GNAI3: variants seen among roughly 807,000 people sequenced by gnomAD.
GNAI3 encodes the protein guanine nucleotide-binding protein G(i) subunit alpha-3.
GNAI3 carries 12 observed loss-of-function variants against 41.8 expected under a neutral mutation model. The observed-to-expected ratio is 0.29, with a 90% CI of 0.18 to 0.47. GNAI3 has a LOEUF of 0.47. Among genes scored for constraint, GNAI3 ranks in the 20% least tolerant of loss-of-function variants. GNAI3 has a pLI of 1.00. For synonymous variants in GNAI3, 132 were observed against 146.5 expected, an observed-to-expected ratio of 0.90 and a Z score of 0.71; for missense variants, 360 against 429.6, an observed-to-expected ratio of 0.84 and a Z score of 1.43.
At chr1:109,576,685 A>G (rs1293285279) in intron 3 of GNAI3, among the ~76,000 whole-genome samples, 4 of 151,304 alleles carry the variant, frequency 2.6e-5, no homozygotes, top group Non-Finnish European at 5.9e-5. Context: ...TGCCCGCCTA[A>G]TTTTTTTGTA....
chr1:109,599,837 G>A lies in GNAI3; in HGVS notation c.*7515G>A, dbSNP rs1053308444. On this transcript the variant is annotated 3_prime_UTR_variant, in exon 9 of 9. Transcript: ENST00000369851. ...AAGAATTTGGTTGGGAATGGGAGGA[G>A]CTTAGAAGAACAAGAAATTGGCTTT... 3 of 152,180 alleles carry A rather than the reference G, an allele frequency of 2.0e-5. No homozygotes were observed. The highest frequency in any genetic ancestry group is 7.2e-5 in the African/African-American group (3 of 41,442). The allele number at this position is 152,180 out of a possible 1,614,324, so 9.4% of individuals were successfully genotyped here. A position where few individuals can be genotyped will look rare whatever the true frequency, so the allele number is the denominator to read the frequency against.
chr1:109,551,710 A>G (rs1351925237), intron 1 of GNAI3, among the ~76,000 whole-genome samples: 34 of 152,342 alleles, frequency 2.2e-4, no homozygotes, highest in Non-Finnish European at 1.5e-5. Context: ...AGCTCCATGA[A>G]GATTAGCTAT....
intron 1 of GNAI3, among the ~76,000 whole-genome samples, chr1:109,572,986 T>C (rs1343723449): frequency 1.3e-5 from 2 of 152,178 alleles, no homozygotes; most frequent in African/African-American, 4.8e-5. Context: ...TTTTTCTGAT[T>C]GCTTTAATTT....
At position 109,599,704 on chromosome 1, in the gene GNAI3, G is replaced by A. The variant is rs1273718835; in HGVS notation, c.*7382G>A. On this transcript the variant is annotated 3_prime_UTR_variant, in exon 9 of 9. Coordinates refer to ENST00000369851, the MANE Select transcript of GNAI3 (RefSeq NM_006496.4). ...AACAAGCAAACTTAGTTATATTTTT[G>A]TGATTTTATGCTGTTTTCATATTCT... is the stretch of plus-strand genomic sequence containing the variant. 6.6e-6 allele frequency: 1 copy of A among 152,146 alleles called. No individual in the cohort carries two copies. The highest frequency in any genetic ancestry group is 1.5e-5 in the Non-Finnish European group (1 of 68,008). 9.4% of individuals were successfully genotyped at this position (152,146 alleles called of 1,614,324 possible).
intron 4 of GNAI3, 53 bp downstream of exon 4, chr1:109,579,414 C>A: frequency 1.5e-6 from 2 of 1,353,392 alleles, no homozygotes; most frequent in South Asian, 2.5e-5. Context: ...GGTGACACTA[C>A]AGAAATTTTA....
chr1:109,598,263 A>G lies in GNAI3; in HGVS notation c.*5941A>G, dbSNP rs952085786. On this transcript the variant is annotated 3_prime_UTR_variant, in exon 9 of 9. Transcript: ENST00000369851. ...TCACCTGTTCTGTTTATTCTTGCTC[A>G]TGTAGGATAAAGGTCCTGAGACCTC... 1 of 152,216 alleles carries G rather than the reference A, an allele frequency of 6.6e-6. No homozygotes were observed. Among genetic ancestry groups the G allele is most frequent in the African/African-American group, 2.4e-5 (1 of 41,446 alleles). 9.4% of individuals were successfully genotyped at this position (152,216 alleles called of 1,614,324 possible).
chr1:109,579,188 T>A lies in GNAI3; in HGVS notation c.304-16T>A, dbSNP rs776441198. 3 of 1,601,582 alleles carry A rather than the reference T, an allele frequency of 1.9e-6. No individual in the cohort carries two copies. Among genetic ancestry groups the A allele is most frequent in the Non-Finnish European group, 1.7e-6 (2 of 1,172,548 alleles). ...AATGGAGAGTCATCTGTCTCTTTCT[T>A]AACTGCTTTCTTCAGGATGATGCCC... On this transcript the variant is annotated splice_polypyrimidine_tract_variant and intron_variant, in intron 3 of 8. Coordinates refer to ENST00000369851, the MANE Select transcript of GNAI3 (RefSeq NM_006496.4).
intron 4 of GNAI3, among the ~76,000 whole-genome samples, chr1:109,580,647 C>G (rs562385239): frequency 6.6e-6 from 1 of 152,288 alleles, no homozygotes; most frequent in East Asian, 1.9e-4. Context: ...TGAACCTGTA[C>G]AGCATGTTAT....
chr1:109,578,715 G>A (rs1027124383), intron 3 of GNAI3, among the ~76,000 whole-genome samples: 9 of 152,264 alleles, frequency 5.9e-5, no homozygotes, highest in South Asian at 2.1e-4. Flanking sequence ...TGTCTGGGCT[G>A]AAGGCAAAGA....
At chr1:109,588,619 G>A (rs1649092686) in intron 7 of GNAI3, among the ~76,000 whole-genome samples, 1 of 152,086 alleles carries the variant, frequency 6.6e-6, no homozygotes, top group South Asian at 2.1e-4. Context: ...GTGAGGCTGG[G>A]TGCAGTGGCT....
chr1:109,569,376 A>T lies in GNAI3; in HGVS notation c.119-4361A>T, dbSNP rs531814002. Among the ~76,000 whole-genome samples the T allele has an allele frequency of 3.3e-4, 51 of 152,314 alleles. No individual in the cohort carries two copies. In the South Asian group the frequency reaches 9.9e-3, roughly 30 times the overall value. ...ATTTCAACTATTACTTCCCTGGTGT[A>T]TTGAAGATGGGCAACTGAATCTCTC... On this transcript the variant is annotated intron_variant, in intron 1 of 8. Coordinates refer to ENST00000369851, the MANE Select transcript of GNAI3 (RefSeq NM_006496.4).
At chr1:109,548,905 G>GACCCCGTTCA in intron 1 of GNAI3, 67 bp downstream of exon 1, 1 of 1,041,738 alleles carries the variant, frequency 9.6e-7, no homozygotes. Context: ...GGCCTGAACG[G>GACCCCGTTCA]GGTCTGGTCG....
At chr1:109,556,528 T>C (rs933260026) in intron 1 of GNAI3, among the ~76,000 whole-genome samples, 2 of 152,234 alleles carry the variant, frequency 1.3e-5, no homozygotes, top group African/African-American at 2.4e-5. Flanking sequence ...TTGAAAAATC[T>C]GTTTTCTCTA....
chr1:109,548,948 G>T, intron 1 of GNAI3, 110 bp downstream of exon 1: 1 of 678,550 alleles, frequency 1.5e-6, no homozygotes, highest in Non-Finnish European at 2.6e-6. Context: ...GGGATCTGGA[G>T]GGCGTGCCGG....
intron 5 of GNAI3, among the ~76,000 whole-genome samples, chr1:109,582,916 C>G (rs1648931412): frequency 6.6e-6 from 1 of 152,068 alleles, no homozygotes; most frequent in Admixed American, 6.5e-5. Context: ...AATAGGATAA[C>G]AATATTAAAC....
At chr1:109,585,624 G>A (rs1324282544) in intron 5 of GNAI3, among the ~76,000 whole-genome samples, 3 of 152,080 alleles carry the variant, frequency 2.0e-5, no homozygotes, top group Admixed American at 2.0e-4. Context: ...CATTTTGAGA[G>A]TCAGAACATG....
intron 5 of GNAI3, among the ~76,000 whole-genome samples, chr1:109,584,391 G>T (rs557078236): frequency 6.6e-6 from 1 of 152,192 alleles, no homozygotes; most frequent in Non-Finnish European, 1.5e-5. Flanking sequence ...TTTGTATAAG[G>T]TTTGTAATCT....
chr1:109,566,817 C>A (rs1196305804), intron 1 of GNAI3, among the ~76,000 whole-genome samples: 1 of 152,202 alleles, frequency 6.6e-6, no homozygotes, highest in Non-Finnish European at 1.5e-5. Flanking sequence ...CCCGCCTCGG[C>A]CTCCCAAGGT....
Position 109,592,237 on chromosome 1 carries a change from G to A in GNAI3, c.*4G>A, listed in dbSNP as rs753035613. ...AAAGGAATGTGGACTTTATTGAGAA[G>A]CATGGATGTTAGTGAAAGGTAAAGT... On this transcript the variant is annotated 3_prime_UTR_variant, in exon 8 of 9. Transcript: ENST00000369851. The A allele has an allele frequency of 6.3e-7, 1 of 1,586,268 alleles. No individual in the cohort carries two copies. The highest frequency in any genetic ancestry group is 8.7e-7 in the Non-Finnish European group (1 of 1,155,230).
Sources: allele counts gnomAD v4.1 joint callset (sites outside exome capture counted in the v4.1 genomes callset), GRCh38; gene constraint gnomAD v4.1.1; transcripts MANE v1.5; gene names NCBI Gene and HGNC (gene_info 2026-07-23, HGNC 2026-07-21).